Variants in CTNNA3 observed in about 807,000 individuals in gnomAD.
CTNNA3 encodes catenin alpha-3.
Under a neutral mutation model 95.7 loss-of-function variants are expected in CTNNA3, and 76 were observed. The observed-to-expected ratio is 0.79, with a 90% CI of 0.66 to 0.96. The LOEUF is 0.96. Ranked by LOEUF, CTNNA3 falls within the 40% of genes least tolerant of loss-of-function variation. The probability of loss-of-function intolerance (pLI) is 0.00; values close to 1 mark genes in which losing one functional copy is unlikely to be tolerated. For synonymous variants in CTNNA3, 431 were observed against 374.4 expected (o/e 1.15, Z -1.74); for missense variants, 1,191 against 1,089.8 (o/e 1.09, Z -1.31).
At chr10:67,245,555 G>A (rs1298402607) in intron 5 of CTNNA3, among the ~76,000 whole-genome samples, 1 of 152,052 alleles carries the variant, frequency 6.6e-6, no homozygotes, top group African/African-American at 2.4e-5. Flanking sequence ...CCTATCATAT[G>A]GCAATAAAAT....
chr10:67,457,648 G>T lies in CTNNA3; in HGVS notation c.579+64194C>A, dbSNP rs138669009. ...AAGAAGTCTGAATTAGGCCGCATGG[G>T]CTAAAATCAAGGTGTCAGTAGGACT... is the stretch of plus-strand genomic sequence containing the variant. On this transcript the variant is annotated intron_variant, in intron 5 of 17. Transcript: ENST00000433211. 6.3e-3 allele frequency among the ~76,000 whole-genome samples: 964 copies of T among 152,228 alleles called. 13 individuals are homozygous for T. Among genetic ancestry groups the T allele is most frequent in the African/African-American group, 0.022 (895 of 41,534 alleles).
At chr10:66,319,656 A>G (rs942804925) in intron 12 of CTNNA3, among the ~76,000 whole-genome samples, 1 of 152,136 alleles carries the variant, frequency 6.6e-6, no homozygotes, top group Non-Finnish European at 1.5e-5. Flanking sequence ...CACCAACCAT[A>G]CACCTATAAA....
chr10:66,221,999 A>T (rs1189469652), intron 13 of CTNNA3, among the ~76,000 whole-genome samples: 2 of 152,162 alleles, frequency 1.3e-5, no homozygotes, highest in Non-Finnish European at 2.9e-5. Flanking sequence ...TTGCATTTTT[A>T]TGACTTAGGT....
At chr10:67,201,736 A>C (rs764340158) in intron 6 of CTNNA3, among the ~76,000 whole-genome samples, 2 of 152,186 alleles carry the variant, frequency 1.3e-5, no homozygotes, top group African/African-American at 4.8e-5. Context: ...TTTAAAGGTG[A>C]GTTCTTATCA....
chr10:66,755,634 T>G (rs546241612), intron 9 of CTNNA3, among the ~76,000 whole-genome samples: 2 of 152,118 alleles, frequency 1.3e-5, no homozygotes, highest in East Asian at 3.9e-4. Flanking sequence ...TTAGTGGGAA[T>G]GCATGTGCCA....
chr10:66,269,731 A>C (rs1326925898), intron 13 of CTNNA3, among the ~76,000 whole-genome samples: 1 of 152,190 alleles, frequency 6.6e-6, no homozygotes, highest in Non-Finnish European at 1.5e-5. Flanking sequence ...CACAAACTCT[A>C]TCCTTAGGAT....
In CTNNA3 at chr10:66,261,781, C is replaced by T. The variant is rs1477829740; in HGVS notation, c.1884+18689G>A. Among the ~76,000 whole-genome samples, 8 of 152,074 alleles carry T rather than the reference C, an allele frequency of 5.3e-5. No homozygotes were observed. In the East Asian group the frequency reaches 1.6e-3, roughly 29 times the overall value. The stretch of plus-strand genomic sequence containing the variant: ...CGGATCCCCAATTCCAGTGAAACAG[C>T]TGATGACAACCATTTTGAAGACCCC... On this transcript the variant is annotated intron_variant, in intron 13 of 17. Coordinates refer to ENST00000433211, the MANE Select transcript of CTNNA3 (RefSeq NM_013266.4).
chr10:66,836,035 G>A (rs1163470955), intron 7 of CTNNA3, among the ~76,000 whole-genome samples: 1 of 152,150 alleles, frequency 6.6e-6, no homozygotes, highest in Non-Finnish European at 1.5e-5. Flanking sequence ...GACCACTGGT[G>A]TGCTGGTGAA....
chr10:67,349,483 T>C (rs183627136), intron 5 of CTNNA3, among the ~76,000 whole-genome samples: 94 of 152,270 alleles, frequency 6.2e-4, no homozygotes, highest in African/African-American at 1.9e-3. Context: ...TCCACCTATA[T>C]GAAGTATCGA....
At chr10:67,581,826 G>C (rs1457083343) in intron 3 of CTNNA3, among the ~76,000 whole-genome samples, 1 of 152,160 alleles carries the variant, frequency 6.6e-6, no homozygotes, top group Non-Finnish European at 1.5e-5. Context: ...ATTTCTTTGA[G>C]ATTTTCTAGT....
At chr10:66,875,782 G>A (rs2132452844) in intron 7 of CTNNA3, among the ~76,000 whole-genome samples, 1 of 152,290 alleles carries the variant, frequency 6.6e-6, no homozygotes, top group South Asian at 2.1e-4. Flanking sequence ...TGTGGAGAAA[G>A]AGTAGTAAAA....
chr10:66,696,911 A>G (rs911043588), intron 9 of CTNNA3, among the ~76,000 whole-genome samples: 15 of 152,068 alleles, frequency 9.9e-5, no homozygotes, highest in Non-Finnish European at 1.5e-4. Flanking sequence ...AGAGTGAGAT[A>G]CTGTCTCTGA....
chr10:66,692,705 C>T (rs1847596774), intron 9 of CTNNA3, among the ~76,000 whole-genome samples: 2 of 152,126 alleles, frequency 1.3e-5, no homozygotes, highest in East Asian at 1.9e-4. Context: ...TTAAGGGCAG[C>T]CAGAGAGAAA....
intron 12 of CTNNA3, among the ~76,000 whole-genome samples, chr10:66,333,194 G>C (rs2092352502): frequency 6.6e-6 from 1 of 151,848 alleles, no homozygotes; most frequent in Middle Eastern, 3.4e-3. Flanking sequence ...TGGATTCATT[G>C]ATTTTTTGAA....
intron 7 of CTNNA3, among the ~76,000 whole-genome samples, chr10:66,960,557 T>C (rs1231529420): frequency 2.0e-5 from 3 of 152,180 alleles, no homozygotes. Flanking sequence ...AAGTTAATTA[T>C]TCACAAATGA....
rs375029717 is a variant in CTNNA3 at position 66,597,511 on chromosome 10, C to T, written c.1374+24181G>A. Among the ~76,000 whole-genome samples the T allele has an allele frequency of 4.7e-3, 335 of 70,906 alleles. 3 individuals carry two copies. The highest frequency in any genetic ancestry group is 0.011 in the African/African-American group (214 of 19,676). The allele number at this position is 70,906 out of a possible 152,430, so 46.5% of individuals were successfully genotyped here. On this transcript the variant is annotated intron_variant, in intron 10 of 17. Transcript: ENST00000433211. ...GGTCAACATGGCATTTTATTTCATA[C>T]ATATATATATATATATATATATATA... is the stretch of plus-strand genomic sequence containing the variant.
chr10:66,449,128 A>T (rs189954671), intron 11 of CTNNA3, among the ~76,000 whole-genome samples: 1 of 152,154 alleles, frequency 6.6e-6, no homozygotes, highest in Non-Finnish European at 1.5e-5. Flanking sequence ...TATGCCCAAT[A>T]AAATGAGAAT....
intron 5 of CTNNA3, among the ~76,000 whole-genome samples, chr10:67,441,655 T>C (rs779530177): frequency 6.2e-4 from 95 of 152,234 alleles, no homozygotes; most frequent in Non-Finnish European, 1.1e-3. Context: ...AGAGTGGTAT[T>C]ACATATCTAA....
chr10:66,964,251 T>A (rs1445597657), intron 7 of CTNNA3, among the ~76,000 whole-genome samples: 8 of 151,982 alleles, frequency 5.3e-5, no homozygotes, highest in African/African-American at 1.5e-4. Context: ...ATTTAAAGTA[T>A]GAGGATTCTA....
Sources: gnomAD v4.1 joint callset for allele counts (sites outside exome capture counted in the v4.1 genomes callset) on GRCh38, gnomAD v4.1.1 for gene constraint, MANE v1.5 for transcripts, NCBI Gene and HGNC (gene_info 2026-07-23, HGNC 2026-07-21) for gene names.